The following P2RX1 variants were observed in gnomAD, a reference collection of about 807,000 sequenced individuals.
P2RX1 encodes the protein purinergic receptor P2X 1, also known as P2X purinoceptor 1.
P2RX1 carries 42 observed loss-of-function variants against 50.3 expected under a neutral mutation model. That is an observed-to-expected ratio of 0.83 (90% confidence interval 0.65 to 1.08). The LOEUF (loss-of-function observed/expected upper bound fraction) is 1.08. Among genes scored for constraint, P2RX1 ranks in the 50% least tolerant of loss-of-function variants. The pLI is 0.00. For missense variants in P2RX1, 449 were observed against 529.0 expected, an observed-to-expected ratio of 0.85 and a Z score of 1.48; for synonymous variants, 199 against 202.6, an observed-to-expected ratio of 0.98 and a Z score of 0.15.
intron 1 of P2RX1, among the ~76,000 whole-genome samples, chr17:3,909,973 T>C (rs1044818316): frequency 1.0e-4 from 14 of 140,256 alleles, no homozygotes; most frequent in African/African-American, 3.7e-4. Flanking sequence ...ATAAATTCTT[T>C]TTTTTTTTTT....
At position 3,916,354 on chromosome 17, in the gene P2RX1, G is replaced by A. The variant is rs552662404; in HGVS notation, c.-129C>T. Reference sequence around the variant, plus strand: ...CCTGGCCCCTTAGGAAGAGCAGGGCGGTGCAGGTGGAGCCAGAGGACAGGA... The same window carrying A: ...CCTGGCCCCTTAGGAAGAGCAGGGCAGTGCAGGTGGAGCCAGAGGACAGGA... On this transcript the variant is annotated 5_prime_UTR_variant, in exon 1 of 12. Coordinates refer to ENST00000225538, the MANE Select transcript of P2RX1 (RefSeq NM_002558.4). 85 of 1,059,490 alleles carry A rather than the reference G, an allele frequency of 8.0e-5. No homozygotes were observed. The East Asian group carries it at 1.1e-3, about 14-fold the overall frequency. The allele number at this position is 1,059,490 out of a possible 1,614,324, so 65.6% of individuals were successfully genotyped here.
chr17:3,901,833 A>C (rs2056152862), intron 7 of P2RX1, among the ~76,000 whole-genome samples: 3 of 152,086 alleles, frequency 2.0e-5, no homozygotes, highest in Admixed American at 2.0e-4. Flanking sequence ...CGTGCCAGGC[A>C]GCGAGGCACG....
chr17:3,907,269 C>G (rs1026957239), intron 1 of P2RX1, among the ~76,000 whole-genome samples: 2 of 145,802 alleles, frequency 1.4e-5, no homozygotes, highest in Non-Finnish European at 3.0e-5. Flanking sequence ...AGGAAAGACT[C>G]TTTTTGGAGA....
At chr17:3,902,856 G>A (rs2056176336) in intron 7 of P2RX1, among the ~76,000 whole-genome samples, 1 of 150,960 alleles carries the variant, frequency 6.6e-6, no homozygotes, top group Admixed American at 6.6e-5. Context: ...TGATCCACCC[G>A]CCTCTGACTC....
chr17:3,901,293 T>C (rs1217193680), intron 7 of P2RX1, among the ~76,000 whole-genome samples: 4 of 152,220 alleles, frequency 2.6e-5, no homozygotes, highest in African/African-American at 9.6e-5. Context: ...GGTCTCGATC[T>C]CCTGACCTCG....
In P2RX1 at chr17:3,904,928, C is replaced by T. The variant is rs373019086; in HGVS notation, c.287G>A (p.Gly96Glu). 4 of 1,563,730 alleles carry T rather than the reference C, an allele frequency of 2.6e-6. No homozygotes were observed. The African/African-American group carries it at 5.4e-5, about 21-fold the overall frequency. Residue 96 changes from glycine to glutamate, a missense_variant and splice_region_variant, in exon 3 of 12, where the codon GGG (glycine) becomes GAG (glutamate). Transcript: ENST00000225538. ...DVADYVFPAQ[G>E]DNSFVVMTNF... Reference sequence around the variant, plus strand: ...GGTCATGACCACGAAGGAGTTGTCCCCCTAGAAGTGAGGGGCAGGGGGAGG... The same window carrying T: ...GGTCATGACCACGAAGGAGTTGTCCTCCTAGAAGTGAGGGGCAGGGGGAGG...
Position 3,916,078 on chromosome 17 carries a change from C to T in P2RX1, c.137+11G>A, listed in dbSNP as rs369242326. On this transcript the variant is annotated intron_variant, in intron 1 of 11. Coordinates refer to ENST00000225538, the MANE Select transcript of P2RX1 (RefSeq NM_002558.4). ...GGGCTGGTGCAGGCAGCGGGAGGCG[C>T]CCGGACTCACCCGATGACGTAGACC... 1.2e-6 allele frequency: 2 copies of T among 1,613,146 alleles called. No individual in the cohort carries two copies. Among genetic ancestry groups the T allele is most frequent in the Non-Finnish European group, 1.7e-6 (2 of 1,179,878 alleles).
In P2RX1 at chr17:3,914,166, T is replaced by C. The variant is rs149930849; in HGVS notation, c.137+1923A>G. Among the ~76,000 whole-genome samples, 5 of 152,046 alleles carry C rather than the reference T, an allele frequency of 3.3e-5. No homozygotes were observed. The highest frequency in any genetic ancestry group is 5.9e-5 in the Non-Finnish European group (4 of 67,972). On this transcript the variant is annotated intron_variant, in intron 1 of 11. Coordinates refer to ENST00000225538, the MANE Select transcript of P2RX1 (RefSeq NM_002558.4). The surrounding 1 kb of genome is among the most constrained non-coding windows in gnomAD (Gnocchi z 4.1). ...GGCCAGTGCCCTCTCTCTGAGGAGGTTGCCTTTCCAGAATATCAAGGCTGA... is the reference window on the plus strand; with the variant it reads ...GGCCAGTGCCCTCTCTCTGAGGAGGCTGCCTTTCCAGAATATCAAGGCTGA...
chr17:3,903,624 G>T lies in P2RX1; in HGVS notation c.532C>A (p.Leu178Ile). ...EVDDDIPRPALLREAENFTLF... is the reference protein window; with the variant it reads ...EVDDDIPRPAILREAENFTLF... Reference sequence around the variant, plus strand: ...GTGAAGTTCTCGGCCTCTCGGAGAAGGGCAGGGCTGGAGGACACCACACGC... The same window carrying T: ...GTGAAGTTCTCGGCCTCTCGGAGAATGGCAGGGCTGGAGGACACCACACGC... The change falls in exon 6 of 12, where the codon CTT (leucine) becomes ATT (isoleucine). Residue 178 changes from leucine (L) to isoleucine (I), a missense_variant. Coordinates refer to ENST00000225538, the MANE Select transcript of P2RX1 (RefSeq NM_002558.4). This position sits in a 1 kb window ranked among gnomAD's most constrained non-coding sequence, Gnocchi z 4.6. 2 of 1,613,808 alleles carry T rather than the reference G, an allele frequency of 1.2e-6. No homozygotes were observed. Among genetic ancestry groups the T allele is most frequent in the South Asian group, 1.1e-5 (1 of 91,064 alleles).
chr17:3,899,509 A>T, intron 8 of P2RX1, 125 bp downstream of exon 8: 1 of 1,315,882 alleles, frequency 7.6e-7, no homozygotes, highest in Non-Finnish European at 1.1e-6. Context: ...ACCCAGGCAG[A>T]ATGAGAGCTG....
At position 3,897,991 on chromosome 17, in the gene P2RX1, C is replaced by T. The variant is rs372577316; in HGVS notation, c.1134+18G>A. 5 of 1,612,984 alleles carry T rather than the reference C, an allele frequency of 3.1e-6. No homozygotes were observed. In the African/African-American group the frequency reaches 6.7e-5, roughly 22 times the overall value. ...CGCCGGAGGCCTTCGAAGGGCCTGG[C>T]TCGGGGGGTTCTCTTACCGCCCCTG... On this transcript the variant is annotated intron_variant, in intron 11 of 11. Coordinates refer to ENST00000225538, the MANE Select transcript of P2RX1 (RefSeq NM_002558.4).
Position 3,905,230 on chromosome 17 carries a change from A to G in P2RX1, c.275T>C (p.Phe92Ser). The change falls in exon 2 of 12, where the codon TTC becomes TCC. Residue 92 changes from phenylalanine to serine, a missense_variant. Transcript: ENST00000225538. ...PQVWDVADYV[F>S]PAQGDNSFVV... ...CCTGAGCCAGCTCACCTGGGCTGGG[A>G]AGACGTAGTCAGCCACATCCCAGAC... 1 of 1,613,126 alleles carries G rather than the reference A, an allele frequency of 6.2e-7. No individual in the cohort carries two copies. Among genetic ancestry groups the G allele is most frequent in the Non-Finnish European group, 8.5e-7 (1 of 1,179,860 alleles).
At position 3,908,539 on chromosome 17, in the gene P2RX1, C is replaced by T. The variant is rs529209621; in HGVS notation, c.138-3172G>A. Among the ~76,000 whole-genome samples, 21 of 152,208 alleles carry T rather than the reference C, an allele frequency of 1.4e-4. 1 individual carries two copies. The South Asian group carries it at 3.3e-3, about 24-fold the overall frequency. On this transcript the variant is annotated intron_variant, in intron 1 of 11. Coordinates refer to ENST00000225538, the MANE Select transcript of P2RX1 (RefSeq NM_002558.4). ...ATTGCACTCTGCACCCCAGCCTAGG[C>T]GACAAGAGTGAGACTCCGTCTCAAA...
chr17:3,899,732 C>G lies in P2RX1; in HGVS notation c.777G>C (p.Trp259Cys). The G allele has an allele frequency of 6.2e-7, 1 of 1,613,848 alleles. No homozygotes were observed. The highest frequency in any genetic ancestry group is 1.1e-5 in the South Asian group (1 of 91,074). ...GTACGTGCCAGTCCAGGTCACAGTG[C>G]CAGTCGATGGTGATGCCAACCACTC... ...KGGVVGITIDWHCDLDWHVRH... is the reference protein window; with the variant it reads ...KGGVVGITIDCHCDLDWHVRH... Residue 259 changes from tryptophan (W) to cysteine (C), a missense_variant, in exon 8 of 12, where the codon TGG (tryptophan) becomes TGC (cysteine). Trp to Cys is a radical substitution (Grantham distance 215). Coordinates refer to ENST00000225538, the MANE Select transcript of P2RX1 (RefSeq NM_002558.4).
chr17:3,905,029 A>G (rs1393257671), intron 2 of P2RX1, 100 bp from the exon 3 acceptor site: 60 of 1,129,132 alleles, frequency 5.3e-5, no homozygotes, highest in Non-Finnish European at 5.1e-6. Flanking sequence ...TAGAGCCCAC[A>G]GGACACGCAG....
chr17:3,902,382 C>T (rs1178763149), intron 7 of P2RX1, among the ~76,000 whole-genome samples: 1 of 151,896 alleles, frequency 6.6e-6, no homozygotes, highest in South Asian at 2.1e-4. Context: ...CAACCTCTGT[C>T]TCCCAGGTTC....
At chr17:3,906,193 G>A (rs1027956726) in intron 1 of P2RX1, among the ~76,000 whole-genome samples, 9 of 152,048 alleles carry the variant, frequency 5.9e-5, no homozygotes, top group Non-Finnish European at 8.8e-5. Context: ...GTACAGCGGC[G>A]CCATCTCGGC....
rs747404897 is a variant in P2RX1 at position 3,903,945 on chromosome 17, C to T, written c.507G>A (p.Val169=). The change falls in exon 5 of 12, where the codon GTG becomes GTA. Residue 169 remains valine, a synonymous_variant. Transcript: ENST00000225538. This position sits in a 1 kb window ranked among gnomAD's most constrained non-coding sequence, Gnocchi z 4.6. ...AGTGTTACCGCGGGATGTCGTCATC[C>T]ACCTCCACGGGGCACCAGCCAAAGA... The part of the protein sequence containing the change: ...CEIFGWCPVE[V]DDDIPRPALL... 1 of 1,613,798 alleles carries T rather than the reference C, an allele frequency of 6.2e-7. No homozygotes were observed. The highest frequency in any genetic ancestry group is 8.5e-7 in the Non-Finnish European group (1 of 1,179,706).
At chr17:3,908,895 C>G (rs1345949991) in intron 1 of P2RX1, among the ~76,000 whole-genome samples, 1 of 152,216 alleles carries the variant, frequency 6.6e-6, no homozygotes, top group Non-Finnish European at 1.5e-5. Context: ...CCCTGGTTTT[C>G]TCAATAAAAC....
Sources: gnomAD v4.1 joint callset for allele counts (sites outside exome capture counted in the v4.1 genomes callset) on GRCh38, gnomAD v4.1.1 for gene constraint, Gnocchi (gnomAD v3.1) non-coding constraint, MANE v1.5 for transcripts, NCBI Gene and HGNC (gene_info 2026-07-23, HGNC 2026-07-21) for gene names.